The following RASGRF2 variants were observed in gnomAD, a reference collection of about 807,000 sequenced individuals.
RASGRF2 encodes Ras protein specific guanine nucleotide releasing factor 2, also known as ras-specific guanine nucleotide-releasing factor 2.
In RASGRF2, 76 loss-of-function variants were observed where a neutral mutation model predicts 151.0. The ratio of observed to expected loss-of-function variants is 0.50; its 90% CI spans 0.42 to 0.61. RASGRF2 has a LOEUF of 0.61. Among genes scored for constraint, RASGRF2 ranks in the 20% least tolerant of loss-of-function variants. The pLI, the probability that RASGRF2 is intolerant of heterozygous loss-of-function variation, is 0.00. For missense variants in RASGRF2, 1,148 were observed against 1,564.6 expected, an observed-to-expected ratio of 0.73 and a Z score of 4.49; for synonymous variants, 504 against 566.5, an observed-to-expected ratio of 0.89 and a Z score of 1.57.
chr5:81,087,021 C>A, intron 9 of RASGRF2, 68 bp downstream of exon 9: 1 of 1,404,552 alleles, frequency 7.1e-7, no homozygotes, highest in Non-Finnish European at 1.0e-6. Context: ...TCGGCACACC[C>A]CGGAAGGCGT....
intron 4 of RASGRF2, among the ~76,000 whole-genome samples, chr5:81,072,218 T>C (rs1751798268): frequency 6.6e-6 from 1 of 152,222 alleles, no homozygotes; most frequent in African/African-American, 2.4e-5. Context: ...TGGAAATTTT[T>C]GTTAGATTTC....
intron 24 of RASGRF2, chr5:81,217,137 C>A (rs1755756231): frequency 3.1e-6 from 2 of 638,616 alleles, no homozygotes; most frequent in Non-Finnish European, 4.9e-6. Context: ...CATTTTTTTT[C>A]AAACACGTAG....
At chr5:81,087,998 G>A (rs1438889546) in intron 9 of RASGRF2, 1 of 152,184 alleles carries the variant, frequency 6.6e-6, no homozygotes, top group Non-Finnish European at 1.5e-5. Flanking sequence ...TTATTTACAA[G>A]GAGAAACCAC....
chr5:81,154,340 T>C (rs868360418), intron 17 of RASGRF2, among the ~76,000 whole-genome samples: 1 of 152,184 alleles, frequency 6.6e-6, no homozygotes, highest in Non-Finnish European at 1.5e-5. Flanking sequence ...AATCTTGAAC[T>C]CCTGGGCTCA....
chr5:81,207,757 G>T (rs894422221), intron 21 of RASGRF2, among the ~76,000 whole-genome samples: 8 of 152,240 alleles, frequency 5.3e-5, no homozygotes, highest in Non-Finnish European at 1.0e-4. Context: ...CTTCTGCCCC[G>T]CTGAACTGCC....
intron 2 of RASGRF2, among the ~76,000 whole-genome samples, chr5:81,058,838 T>A: frequency 7.1e-6 from 1 of 140,814 alleles, no homozygotes; most frequent in South Asian, 2.3e-4. Context: ...ATGAAATAAA[T>A]CATATTAGAT....
intron 23 of RASGRF2, 116 bp downstream of exon 23, chr5:81,212,679 C>T (rs1755652228): frequency 9.8e-7 from 1 of 1,018,098 alleles, no homozygotes; most frequent in Admixed American, 3.0e-5. Context: ...CGCTCAGTTG[C>T]CAAAGAAAGG....
chr5:81,117,948 C>T (rs1418062127), intron 15 of RASGRF2, among the ~76,000 whole-genome samples: 1 of 152,222 alleles, frequency 6.6e-6, no homozygotes, highest in African/African-American at 2.4e-5. Context: ...TATTTCACTC[C>T]ATGTGCTGCC....
chr5:80,988,003 A>ATGTGTG (rs879470668), intron 1 of RASGRF2, among the ~76,000 whole-genome samples: 66 of 128,174 alleles, frequency 5.1e-4, no homozygotes, highest in Non-Finnish European at 9.4e-4. Flanking sequence ...TTTGAAATAA[A>ATGTGTG]TGTGCGTGTG....
chr5:81,159,523 A>G (rs1019360038), intron 17 of RASGRF2, among the ~76,000 whole-genome samples: 1 of 152,260 alleles, frequency 6.6e-6, no homozygotes, highest in African/African-American at 2.4e-5. Flanking sequence ...CAGTAAATCT[A>G]TAAAGACAGA....
chr5:81,077,995 T>C (rs1188862182), intron 5 of RASGRF2, among the ~76,000 whole-genome samples: 1 of 152,226 alleles, frequency 6.6e-6, no homozygotes, highest in Non-Finnish European at 1.5e-5. Context: ...GCTCTTCATA[T>C]AGACTAGCAA....
intron 4 of RASGRF2, 129 bp from the exon 5 acceptor site, chr5:81,073,070 A>ATT: frequency 8.8e-7 from 1 of 1,142,750 alleles, no homozygotes; most frequent in Non-Finnish European, 1.2e-6. Flanking sequence ...ATCCCTAGGG[A>ATT]ATCCTTATCA....
chr5:81,138,777 T>C (rs1753815751), intron 17 of RASGRF2, among the ~76,000 whole-genome samples: 1 of 152,006 alleles, frequency 6.6e-6, no homozygotes, highest in Non-Finnish European at 1.5e-5. Flanking sequence ...TTTTTTTTTT[T>C]TCCAGAGTTT....
At chr5:81,223,163 C>T (rs1002778862) in intron 26 of RASGRF2, among the ~76,000 whole-genome samples, 1 of 152,174 alleles carries the variant, frequency 6.6e-6, no homozygotes, top group African/African-American at 2.4e-5. Flanking sequence ...TCAAATTAAT[C>T]TATAAATTCA....
rs142813922 is a variant in RASGRF2, at chr5:80,995,956, G to A, written c.288+34930G>A. 8.8e-3 allele frequency among the ~76,000 whole-genome samples: 1,345 copies of A among 152,066 alleles called. 20 individuals carry two copies. The highest frequency in any genetic ancestry group is 0.031 in the African/African-American group (1,274 of 41,456). On this transcript the variant is annotated intron_variant, in intron 1 of 26. Transcript: ENST00000265080. The stretch of plus-strand genomic sequence containing the variant: ...GATCTGCCCGCCCTGGCCTTGCAAA[G>A]TGCTGGGATTACAGGTGTGAGACAC...
Position 81,228,701 on chromosome 5 carries a change from C to T in RASGRF2, c.*2931C>T, listed in dbSNP as rs763570683. ...GATGCCTTTTCGTTATTAACTGAGA[C>T]ATCTAGTTTTGCTACAGGGACAAAT... On this transcript the variant is annotated 3_prime_UTR_variant, in exon 27 of 27. Transcript: ENST00000265080. 24 of 152,198 alleles carry T rather than the reference C, an allele frequency of 1.6e-4. No homozygotes were observed. The highest frequency in any genetic ancestry group is 3.1e-4 in the Non-Finnish European group (21 of 68,022). The allele number at this position is 152,198 out of a possible 1,614,324, so 9.4% of individuals were successfully genotyped here.
In RASGRF2 at chr5:81,068,087, G is replaced by A; in HGVS notation, c.451G>A (p.Val151Ile). 6.2e-7 allele frequency: 1 copy of A among 1,613,678 alleles called. No individual in the cohort carries two copies. Among genetic ancestry groups the A allele is most frequent in the Non-Finnish European group, 8.5e-7 (1 of 1,179,780 alleles). ...ATTAATGCAGAAGTACATTCATCTA[G>A]TTCAGATCGTAGAGACAGAAAAAAT... ...EVLMQKYIHL[V>I]QIVETEKIAA... Residue 151 changes from valine (V) to isoleucine (I), a missense_variant, in exon 3 of 27, where the codon GTT becomes ATT. By Grantham distance (29) the Val-to-Ile change is conservative. Coordinates refer to ENST00000265080, the MANE Select transcript of RASGRF2 (RefSeq NM_006909.3).
At chr5:81,186,609 A>G (rs1406237593) in intron 18 of RASGRF2, among the ~76,000 whole-genome samples, 1 of 152,160 alleles carries the variant, frequency 6.6e-6, no homozygotes, top group Non-Finnish European at 1.5e-5. Context: ...TCACTCTTTC[A>G]TTAAAATATA....
chr5:81,072,991 ATGTT>A (rs1429475275), intron 4 of RASGRF2, among the ~76,000 whole-genome samples: 2 of 152,218 alleles, frequency 1.3e-5, no homozygotes, highest in Non-Finnish European at 2.9e-5. Context: ...TGATCAGTAA[ATGTT>A]TGTTGATTGG....
Sources: gnomAD v4.1 joint callset for allele counts (sites outside exome capture counted in the v4.1 genomes callset) on GRCh38, gnomAD v4.1.1 for gene constraint, MANE v1.5 for transcripts, NCBI Gene and HGNC (gene_info 2026-07-23, HGNC 2026-07-21) for gene names.